PHACTR3: variants seen among roughly 807,000 people sequenced by gnomAD.
PHACTR3 encodes phosphatase and actin regulator 3.
In PHACTR3, 16 loss-of-function variants were observed where a neutral mutation model predicts 66.8. That is an observed-to-expected ratio of 0.24 (90% confidence interval 0.16 to 0.36). The LOEUF is 0.36. Ranked by LOEUF, PHACTR3 falls within the 10% of genes least tolerant of loss-of-function variation. The pLI, the probability that PHACTR3 is intolerant of heterozygous loss-of-function variation, is 1.00. For synonymous variants in PHACTR3, 323 were observed against 292.1 expected, an observed-to-expected ratio of 1.11 and a Z score of -1.08; for missense variants, 647 against 719.9, an observed-to-expected ratio of 0.90 and a Z score of 1.16.
chr20:59,828,949 G>T (rs1272319266), intron 8 of PHACTR3, among the ~76,000 whole-genome samples: 1 of 151,936 alleles, frequency 6.6e-6, no homozygotes, highest in Non-Finnish European at 1.5e-5. Flanking sequence ...GAGGCAGATG[G>T]ATGGATGGAC....
At chr20:59,622,990 A>AAAAAAAAAAAAAAAAAAC (rs2034306994) in intron 1 of PHACTR3, among the ~76,000 whole-genome samples, 2 of 142,014 alleles carry the variant, frequency 1.4e-5, no homozygotes, top group African/African-American at 5.2e-5. Context: ...CCAAAAAAAA[A>AAAAAAAAAAAAAAAAAAC]AAAAAAAAAA....
chr20:59,618,270 GGGGAGGAGCTTGTCT>G (rs1261631412), intron 1 of PHACTR3, among the ~76,000 whole-genome samples: 3 of 152,182 alleles, frequency 2.0e-5, no homozygotes, highest in Non-Finnish European at 4.4e-5. Context: ...CTCCTGGACT[GGGGAGGAGCTTGTCT>G]GCCATGAGGG....
At chr20:59,623,479 T>C (rs972082377) in intron 1 of PHACTR3, among the ~76,000 whole-genome samples, 39 of 152,342 alleles carry the variant, frequency 2.6e-4, no homozygotes, top group African/African-American at 7.0e-4. Context: ...TGCACCCGTC[T>C]CTCGTCCCAC....
At chr20:59,595,482 T>A (rs767214833) in intron 1 of PHACTR3, among the ~76,000 whole-genome samples, 2 of 152,202 alleles carry the variant, frequency 1.3e-5, no homozygotes, top group African/African-American at 4.8e-5. Context: ...AATTTGTTAA[T>A]GTGAATTTTG....
chr20:59,811,965 G>T (rs2041748849), intron 8 of PHACTR3, among the ~76,000 whole-genome samples: 6 of 152,130 alleles, frequency 3.9e-5, no homozygotes, highest in Admixed American at 1.3e-4. Context: ...GGGTGCTGGG[G>T]CCAGAGCTGC....
intron 1 of PHACTR3, among the ~76,000 whole-genome samples, chr20:59,658,455 C>T (rs1306234699): frequency 6.6e-6 from 1 of 151,694 alleles, no homozygotes; most frequent in East Asian, 1.9e-4. Flanking sequence ...TTCCTCTGAG[C>T]TTGCCATTGT....
At chr20:59,723,110 C>T (rs527752439) in intron 1 of PHACTR3, among the ~76,000 whole-genome samples, 15 of 123,844 alleles carry the variant, frequency 1.2e-4, no homozygotes, top group African/African-American at 3.6e-4. Flanking sequence ...TTCTTTCTTT[C>T]TTTCTTTCTT....
intron 1 of PHACTR3, among the ~76,000 whole-genome samples, chr20:59,717,124 A>G (rs2038122321): frequency 1.3e-5 from 2 of 152,208 alleles, no homozygotes; most frequent in Admixed American, 6.5e-5. Context: ...TCCTACATTC[A>G]TTTTGTTTCC....
Position 59,777,048 on chromosome 20 carries a change from G to A in PHACTR3, c.1174+2558G>A, listed in dbSNP as rs147065003. 1.2e-4 allele frequency among the ~76,000 whole-genome samples: 18 copies of A among 152,258 alleles called. No individual in the cohort carries two copies. In the East Asian group the frequency reaches 3.5e-3, roughly 30 times the overall value. Reference sequence around the variant, plus strand: ...GAAATCCAAAATCAAAGTGTGGGTAGGGTCGTGCTCCCTGCGAGTGCTCCA... The same window carrying A: ...GAAATCCAAAATCAAAGTGTGGGTAAGGTCGTGCTCCCTGCGAGTGCTCCA... On this transcript the variant is annotated intron_variant, in intron 7 of 12. Transcript: ENST00000371015.
chr20:59,578,402 G>T (rs908771259), intron 1 of PHACTR3, among the ~76,000 whole-genome samples: 7 of 152,324 alleles, frequency 4.6e-5, no homozygotes, highest in African/African-American at 1.7e-4. Context: ...CCTTGGTGAG[G>T]ATACCGGGGG....
intron 3 of PHACTR3, among the ~76,000 whole-genome samples, chr20:59,754,853 G>A (rs572746350): frequency 2.0e-5 from 3 of 152,380 alleles, no homozygotes; most frequent in South Asian, 2.1e-4. Flanking sequence ...GGCAGAGGCC[G>A]GGGTCAGAGT....
At chr20:59,808,159 C>T (rs1430779479) in intron 8 of PHACTR3, among the ~76,000 whole-genome samples, 1 of 152,192 alleles carries the variant, frequency 6.6e-6, no homozygotes, top group Non-Finnish European at 1.5e-5. Flanking sequence ...TGTGGCTTTC[C>T]AGGATCGGGC....
At position 59,649,361 on chromosome 20, in the gene PHACTR3, C is replaced by T. The variant is rs180841462; in HGVS notation, c.118+44229C>T. 2.8e-3 allele frequency among the ~76,000 whole-genome samples: 422 copies of T among 152,188 alleles called. 1 individual carries two copies. Among genetic ancestry groups the T allele is most frequent in the Non-Finnish European group, 3.6e-3 (242 of 67,990 alleles). Reference sequence around the variant, plus strand: ...TTAAAGCATGTGTCTTAATTTAATCCTGTTATACACAGGCACATCTATTAA... The same window carrying T: ...TTAAAGCATGTGTCTTAATTTAATCTTGTTATACACAGGCACATCTATTAA... On this transcript the variant is annotated intron_variant, in intron 1 of 12. Coordinates refer to ENST00000371015, the MANE Select transcript of PHACTR3 (RefSeq NM_080672.5).
intron 1 of PHACTR3, among the ~76,000 whole-genome samples, chr20:59,583,175 T>C (rs6070853): frequency 0.043 from 6,543 of 152,274 alleles, 210 homozygotes; most frequent in Non-Finnish European, 0.063. Context: ...ATAACGTGTG[T>C]GAAAGAACAG....
intron 8 of PHACTR3, among the ~76,000 whole-genome samples, chr20:59,818,014 G>A (rs1360620773): frequency 5.9e-5 from 9 of 152,164 alleles, no homozygotes; most frequent in South Asian, 2.1e-4. Flanking sequence ...TGTCAGCAGC[G>A]GAAGCCTCCA....
At position 59,604,877 on chromosome 20, in the gene PHACTR3, CTTTTTTTTTTT is replaced by C. The variant is rs11477768; in HGVS notation, c.-126_-116del. The C allele has an allele frequency of 5.2e-5, 51 of 978,792 alleles. No individual in the cohort carries two copies. The East Asian group carries it at 1.4e-3, about 27-fold the overall frequency. 60.6% of individuals were successfully genotyped at this position (978,792 alleles called of 1,614,324 possible). A position where few individuals can be genotyped will look rare whatever the true frequency, so the allele number is the denominator to read the frequency against. On this transcript the variant is annotated 5_prime_UTR_variant, in exon 1 of 13. Transcript: ENST00000371015. ...TCTCCAGCTCGTTTCCTTTCCCGGC[CTTTTTTTTTTT>C]TTTTTTTTTTTAATTTTCTTTTTTA... is the stretch of plus-strand genomic sequence containing the variant.
At position 59,830,566 on chromosome 20, in the gene PHACTR3, G is replaced by A. The variant is rs146369426; in HGVS notation, c.1329-5939G>A. ...AGGAGGAGTGATTCTTGGGGATCCA[G>A]GCCTGCAAGGAGGCGCTGGGCAGGA... On this transcript the variant is annotated intron_variant, in intron 8 of 12. Transcript: ENST00000371015. The surrounding 1 kb of genome is among the most constrained non-coding windows in gnomAD (Gnocchi z 5.8). 1.3e-3 allele frequency among the ~76,000 whole-genome samples: 196 copies of A among 152,306 alleles called. 1 individual carries two copies. In the Middle Eastern group the frequency reaches 0.017, roughly 13 times the overall value.
intron 1 of PHACTR3, among the ~76,000 whole-genome samples, chr20:59,588,361 A>G (rs997369080): frequency 6.6e-5 from 10 of 152,144 alleles, no homozygotes; most frequent in Non-Finnish European, 1.5e-4. Flanking sequence ...CCCCTGTCCC[A>G]GTCCAGGCTG....
chr20:59,767,520 A>G (rs1175273014), intron 5 of PHACTR3, 125 bp downstream of exon 5: 1 of 1,149,198 alleles, frequency 8.7e-7, no homozygotes, highest in Non-Finnish European at 1.2e-6. Context: ...CCATCCATCC[A>G]TACCTTCAAC....
Sources: gnomAD v4.1 joint callset for allele counts (sites outside exome capture counted in the v4.1 genomes callset) on GRCh38, gnomAD v4.1.1 for gene constraint, Gnocchi (gnomAD v3.1) non-coding constraint, MANE v1.5 for transcripts, NCBI Gene and HGNC (gene_info 2026-07-23, HGNC 2026-07-21) for gene names.